The following AFG1L variants were observed in gnomAD, a reference collection of about 807,000 sequenced individuals.
AFG1L encodes AFG1 like ATPase, also known as AFG1-like ATPase.
In AFG1L, 53 loss-of-function variants were observed where a neutral mutation model predicts 62.2. The ratio of observed to expected loss-of-function variants is 0.85; its 90% CI spans 0.68 to 1.07. AFG1L has a LOEUF of 1.07. Ranked by LOEUF, AFG1L falls within the 50% of genes least tolerant of loss-of-function variation. The pLI is 0.00. For synonymous variants in AFG1L, 228 were observed against 210.3 expected, an observed-to-expected ratio of 1.08 and a Z score of -0.73; for missense variants, 555 against 590.5, an observed-to-expected ratio of 0.94 and a Z score of 0.62.
intron 10 of AFG1L, among the ~76,000 whole-genome samples, chr6:108,480,917 A>C (rs941687054): frequency 1.3e-5 from 2 of 152,246 alleles, no homozygotes; most frequent in Admixed American, 6.5e-5. Context: ...GGGAACAGAC[A>C]TCCTCCAGTC....
chr6:108,401,561 T>C (rs1249224479), intron 6 of AFG1L, among the ~76,000 whole-genome samples: 1 of 152,192 alleles, frequency 6.6e-6, no homozygotes, highest in Non-Finnish European at 1.5e-5. Context: ...ATTACAGGCA[T>C]GAGCTACTGA....
chr6:108,369,945 TGG>T (rs879503693), intron 6 of AFG1L, among the ~76,000 whole-genome samples: 51,847 of 139,840 alleles, frequency 0.37, 9,766 homozygotes, highest in Non-Finnish European at 0.4. Context: ...GCTGGCTGGC[TGG>T]CTATCTATCT....
chr6:108,424,375 C>A (rs908469339), intron 7 of AFG1L, among the ~76,000 whole-genome samples: 1 of 152,028 alleles, frequency 6.6e-6, no homozygotes, highest in African/African-American at 2.4e-5. Context: ...ATAATAAAGT[C>A]TTAGGCTACC....
At chr6:108,509,741 G>A (rs556256833) in intron 10 of AFG1L, among the ~76,000 whole-genome samples, 74 of 152,252 alleles carry the variant, frequency 4.9e-4, no homozygotes, top group African/African-American at 1.6e-3. Flanking sequence ...TGAAAACACT[G>A]CCCTTGGTTT....
intron 8 of AFG1L, among the ~76,000 whole-genome samples, chr6:108,453,341 A>C (rs1211319673): frequency 6.6e-6 from 1 of 152,214 alleles, no homozygotes; most frequent in African/African-American, 2.4e-5. Flanking sequence ...TTCAAAAAAA[A>C]AGTTTTTTCT....
At chr6:108,349,781 G>T (rs1488400173) in intron 3 of AFG1L, among the ~76,000 whole-genome samples, 1 of 152,026 alleles carries the variant, frequency 6.6e-6, no homozygotes, top group Non-Finnish European at 1.5e-5. Flanking sequence ...GCTGAGCATG[G>T]TGGTGTGTGC....
chr6:108,504,338 T>C (rs1774314745), intron 10 of AFG1L, among the ~76,000 whole-genome samples: 1 of 152,222 alleles, frequency 6.6e-6, no homozygotes. Flanking sequence ...TGTAATGTTA[T>C]TAATTGACCT....
chr6:108,362,636 C>T (rs1234556989), intron 5 of AFG1L, among the ~76,000 whole-genome samples: 1 of 152,092 alleles, frequency 6.6e-6, no homozygotes, highest in Non-Finnish European at 1.5e-5. Context: ...TTACTGCTTT[C>T]GTTGCATTGA....
intron 1 of AFG1L, chr6:108,295,841 CTA>C (rs1246374790): frequency 1.3e-5 from 2 of 152,154 alleles, no homozygotes; most frequent in African/African-American, 2.4e-5. Context: ...TTTTACTGCT[CTA>C]TTCATGTATT....
intron 5 of AFG1L, among the ~76,000 whole-genome samples, chr6:108,362,901 T>C (rs999111263): frequency 6.6e-6 from 1 of 152,226 alleles, no homozygotes; most frequent in African/African-American, 2.4e-5. Flanking sequence ...TACTTGCTGA[T>C]TTATTAAAAA....
chr6:108,389,598 G>T (rs929239147), intron 6 of AFG1L, among the ~76,000 whole-genome samples: 44 of 152,180 alleles, frequency 2.9e-4, no homozygotes, highest in African/African-American at 9.6e-4. Context: ...CTCAGCATTT[G>T]CTTGTCTGTA....
At chr6:108,505,079 A>ATTTTTTTT (rs34326858) in intron 10 of AFG1L, among the ~76,000 whole-genome samples, 3 of 142,874 alleles carry the variant, frequency 2.1e-5, no homozygotes, top group Non-Finnish European at 3.0e-5. Context: ...CTGAGCTTGG[A>ATTTTTTTT]TTTTTTTTTT....
At chr6:108,478,743 T>C (rs922189101) in intron 10 of AFG1L, among the ~76,000 whole-genome samples, 22 of 152,192 alleles carry the variant, frequency 1.4e-4, no homozygotes, top group Admixed American at 1.4e-3. Flanking sequence ...GACAGGCCTG[T>C]TGAATCTTGG....
intron 1 of AFG1L, among the ~76,000 whole-genome samples, chr6:108,306,644 A>G (rs1176828212): frequency 6.6e-6 from 1 of 152,146 alleles, no homozygotes; most frequent in Non-Finnish European, 1.5e-5. Flanking sequence ...GTTGCCACCC[A>G]TATGCTACAT....
At chr6:108,350,235 T>A (rs1419693640) in intron 3 of AFG1L, among the ~76,000 whole-genome samples, 1 of 149,334 alleles carries the variant, frequency 6.7e-6, no homozygotes, top group East Asian at 1.9e-4. Flanking sequence ...AAAATAAAAA[T>A]AAATAAATAA....
chr6:108,505,796 G>C (rs1774396329), intron 10 of AFG1L, among the ~76,000 whole-genome samples: 1 of 152,142 alleles, frequency 6.6e-6, no homozygotes, highest in African/African-American at 2.4e-5. Context: ...ATGAATCATG[G>C]AGAAGTAATA....
At chr6:108,451,042 A>C (rs1330585683) in intron 8 of AFG1L, among the ~76,000 whole-genome samples, 1 of 152,038 alleles carries the variant, frequency 6.6e-6, no homozygotes, top group Non-Finnish European at 1.5e-5. Flanking sequence ...GTTTATTACC[A>C]TCTGGCCAGA....
chr6:108,448,697 C>T (rs1045366482), intron 8 of AFG1L, among the ~76,000 whole-genome samples: 15 of 152,088 alleles, frequency 9.9e-5, no homozygotes, highest in African/African-American at 3.6e-4. Context: ...TTACCCCTTC[C>T]TTTTCCTGAT....
intron 2 of AFG1L, among the ~76,000 whole-genome samples, chr6:108,325,324 A>G (rs1450877205): frequency 6.6e-6 from 1 of 151,962 alleles, no homozygotes; most frequent in Non-Finnish European, 1.5e-5. Context: ...TTCTCTTGGG[A>G]ACCCCTCGTA....
Sources: allele counts gnomAD v4.1 joint callset (sites outside exome capture counted in the v4.1 genomes callset), GRCh38; gene constraint gnomAD v4.1.1; transcripts MANE v1.5; gene names NCBI Gene and HGNC (gene_info 2026-07-23, HGNC 2026-07-21).